GPM6A: variants seen among roughly 807,000 people sequenced by gnomAD.
GPM6A encodes neuronal membrane glycoprotein M6-a.
A neutral mutation model predicts 32.1 loss-of-function variants in GPM6A; 7 were observed. The observed-to-expected ratio is 0.22, with a 90% confidence interval of 0.12 to 0.41. The LOEUF (loss-of-function observed/expected upper bound fraction) is 0.41. GPM6A is among the 10% of genes least tolerant of loss of function. GPM6A has a pLI of 1.00. For missense variants in GPM6A, 235 were observed against 347.2 expected (o/e 0.68, Z 2.57); for synonymous variants, 130 against 123.4 (o/e 1.05, Z -0.35).
intron 1 of GPM6A, among the ~76,000 whole-genome samples, chr4:175,887,154 A>G (rs1737486725): frequency 6.6e-6 from 1 of 152,022 alleles, no homozygotes; most frequent in Admixed American, 6.5e-5. Context: ...CAGTATACAT[A>G]AAACTTTTAT....
chr4:175,811,075 C>T (rs892232211), intron 1 of GPM6A, among the ~76,000 whole-genome samples: 2 of 151,738 alleles, frequency 1.3e-5, no homozygotes, highest in Non-Finnish European at 2.9e-5. Context: ...TGTGTGTATG[C>T]ACCATATATG....
chr4:175,832,957 C>T (rs1735660007), intron 1 of GPM6A, among the ~76,000 whole-genome samples: 1 of 152,186 alleles, frequency 6.6e-6, no homozygotes, highest in Non-Finnish European at 1.5e-5. Flanking sequence ...CCATCATCTC[C>T]ATTTCAGACT....
At chr4:175,960,980 G>T (rs533150396) in intron 1 of GPM6A, among the ~76,000 whole-genome samples, 11 of 152,274 alleles carry the variant, frequency 7.2e-5, no homozygotes, top group Non-Finnish European at 1.5e-4. Flanking sequence ...ATTTGATGAG[G>T]ACATACTGTT....
At chr4:175,674,819 G>A (rs771039957) in intron 2 of GPM6A, among the ~76,000 whole-genome samples, 1 of 151,678 alleles carries the variant, frequency 6.6e-6, no homozygotes, top group African/African-American at 2.4e-5. Flanking sequence ...AATTGGATCT[G>A]AGCCAAGATA....
chr4:175,663,839 G>T (rs1366479281), intron 3 of GPM6A, among the ~76,000 whole-genome samples: 2 of 151,314 alleles, frequency 1.3e-5, no homozygotes, highest in African/African-American at 2.4e-5. Context: ...GACTACAGGC[G>T]CCCGCCACTA....
chr4:175,885,963 C>T (rs540181232), intron 1 of GPM6A, among the ~76,000 whole-genome samples: 156 of 152,132 alleles, frequency 1.0e-3, no homozygotes, highest in African/African-American at 3.6e-3. Context: ...GAGGAAATCA[C>T]TCAGAATACA....
At chr4:175,879,735 T>TC (rs1304350631) in intron 1 of GPM6A, among the ~76,000 whole-genome samples, 1 of 152,158 alleles carries the variant, frequency 6.6e-6, no homozygotes, top group Non-Finnish European at 1.5e-5. Context: ...ATGGCCTTCT[T>TC]CCCTCCACTA....
At chr4:175,987,271 C>T (rs1391014937) in intron 1 of GPM6A, among the ~76,000 whole-genome samples, 2 of 152,198 alleles carry the variant, frequency 1.3e-5, no homozygotes, top group Non-Finnish European at 2.9e-5. Flanking sequence ...AGGACCATCT[C>T]TAAGTGTCTT....
At chr4:175,976,182 C>T (rs1366958714) in intron 1 of GPM6A, among the ~76,000 whole-genome samples, 1 of 142,508 alleles carries the variant, frequency 7.0e-6, no homozygotes, top group Non-Finnish European at 1.5e-5. Context: ...TTTCTTGAGA[C>T]GGAGTCTTCC....
chr4:175,755,273 GA>G (rs528302452), intron 1 of GPM6A, among the ~76,000 whole-genome samples: 17 of 148,962 alleles, frequency 1.1e-4, no homozygotes, highest in African/African-American at 2.0e-4. Flanking sequence ...TGTCTTAAAT[GA>G]AAAAAAATAA....
chr4:175,677,706 T>C (rs1289208239), intron 2 of GPM6A, among the ~76,000 whole-genome samples: 1 of 152,156 alleles, frequency 6.6e-6, no homozygotes, highest in Non-Finnish European at 1.5e-5. Context: ...TTTTCTGATG[T>C]AATTAAACAA....
chr4:175,794,875 T>A (rs1016398964), intron 1 of GPM6A, among the ~76,000 whole-genome samples: 1 of 152,176 alleles, frequency 6.6e-6, no homozygotes, highest in Non-Finnish European at 1.5e-5. Context: ...ATAAAGCTAA[T>A]GGATTTAATT....
intron 1 of GPM6A, among the ~76,000 whole-genome samples, chr4:175,809,132 A>C (rs1734812595): frequency 6.6e-6 from 1 of 152,292 alleles, no homozygotes. Flanking sequence ...GAAACCCAAA[A>C]ATCATTTACG....
chr4:175,961,132 A>T (rs1186023077), intron 1 of GPM6A: 1 of 152,174 alleles, frequency 6.6e-6, no homozygotes, highest in African/African-American at 2.4e-5. Flanking sequence ...TCAGTTGCAA[A>T]CATTATTATC....
At chr4:175,655,640 T>C (rs1742042681) in intron 3 of GPM6A, among the ~76,000 whole-genome samples, 1 of 152,120 alleles carries the variant, frequency 6.6e-6, no homozygotes, top group Non-Finnish European at 1.5e-5. Flanking sequence ...TATTAATTTC[T>C]GTTTTTTGAT....
intron 3 of GPM6A, among the ~76,000 whole-genome samples, chr4:175,672,116 T>C (rs939709031): frequency 6.6e-6 from 1 of 152,246 alleles, no homozygotes; most frequent in East Asian, 1.9e-4. Flanking sequence ...AGATATGCAA[T>C]TCTTCCTTGA....
At chr4:175,954,216 T>A (rs895935502) in intron 1 of GPM6A, among the ~76,000 whole-genome samples, 5 of 152,212 alleles carry the variant, frequency 3.3e-5, no homozygotes, top group Admixed American at 3.3e-4. Flanking sequence ...TGCTCAGTTG[T>A]GCTGTTCACA....
intron 1 of GPM6A, among the ~76,000 whole-genome samples, chr4:175,979,092 A>G (rs1309818011): frequency 1.3e-5 from 2 of 152,194 alleles, no homozygotes; most frequent in African/African-American, 4.8e-5. Context: ...TAAAATAAAT[A>G]TCTGGTCAGA....
At chr4:175,741,804 G>A (rs1731899243) in intron 1 of GPM6A, among the ~76,000 whole-genome samples, 1 of 151,906 alleles carries the variant, frequency 6.6e-6, no homozygotes, top group African/African-American at 2.4e-5. Context: ...TTCATAATGT[G>A]TTTTTTCACA....
Sources: allele counts gnomAD v4.1 joint callset (sites outside exome capture counted in the v4.1 genomes callset), GRCh38; gene constraint gnomAD v4.1.1; transcripts MANE v1.5; gene names NCBI Gene and HGNC (gene_info 2026-07-23, HGNC 2026-07-21).